The following PDE9A variants were observed in gnomAD, a reference collection of about 807,000 sequenced individuals.
PDE9A encodes the protein phosphodiesterase 9A, also known as high affinity cGMP-specific 3',5'-cyclic phosphodiesterase 9A.
Under a neutral mutation model 87.4 loss-of-function variants are expected in PDE9A, and 60 were observed. The observed-to-expected ratio is 0.69, with a 90% CI of 0.56 to 0.85. The LOEUF (loss-of-function observed/expected upper bound fraction) is 0.85, where lower values mean the gene tolerates loss of function less well. Among genes scored for constraint, PDE9A ranks in the 40% least tolerant of loss-of-function variants. The pLI, the probability that PDE9A is intolerant of heterozygous loss-of-function variation, is 0.00. For missense variants in PDE9A, 665 were observed against 779.0 expected (o/e 0.85, Z 1.74); for synonymous variants, 272 against 279.4 (o/e 0.97, Z 0.27).
At chr21:42,657,411 T>C (rs2057161527) in intron 1 of PDE9A, among the ~76,000 whole-genome samples, 2 of 152,220 alleles carry the variant, frequency 1.3e-5, no homozygotes, top group South Asian at 4.1e-4. Context: ...CCTAGGGTGC[T>C]GAGGTCCTTG....
chr21:42,727,199 T>C (rs2051223987), intron 4 of PDE9A, among the ~76,000 whole-genome samples: 1 of 152,168 alleles, frequency 6.6e-6, no homozygotes, highest in African/African-American at 2.4e-5. Context: ...ATGGTCAGTC[T>C]TGCCATTTGT....
chr21:42,753,037 C>T (rs1210546804), intron 9 of PDE9A, among the ~76,000 whole-genome samples: 1 of 152,144 alleles, frequency 6.6e-6, no homozygotes, highest in Non-Finnish European at 1.5e-5. Flanking sequence ...GATGGAGTCT[C>T]ACTCTGTCGC....
At chr21:42,716,749 T>TC (rs2049963051) in intron 4 of PDE9A, among the ~76,000 whole-genome samples, 1 of 122,424 alleles carries the variant, frequency 8.2e-6, no homozygotes, top group Admixed American at 7.8e-5. Flanking sequence ...ATAATTTCCT[T>TC]TTTTTTTTTT....
chr21:42,729,795 G>A (rs1050804802), intron 4 of PDE9A, among the ~76,000 whole-genome samples: 43 of 152,076 alleles, frequency 2.8e-4, no homozygotes, highest in African/African-American at 8.9e-4. Flanking sequence ...AAGTTTCCAC[G>A]TGTTTGGAGA....
intron 1 of PDE9A, among the ~76,000 whole-genome samples, chr21:42,683,269 T>A (rs528135672): frequency 6.6e-6 from 1 of 152,252 alleles, no homozygotes; most frequent in African/African-American, 2.4e-5. Context: ...CTGAATATCA[T>A]CTGAGCGAGG....
At chr21:42,746,823 G>A (rs749877631) in intron 8 of PDE9A, among the ~76,000 whole-genome samples, 15 of 152,314 alleles carry the variant, frequency 9.8e-5, no homozygotes, top group Non-Finnish European at 1.8e-4. Context: ...TAACGGAGGC[G>A]CATCCGCACT....
Position 42,772,526 on chromosome 21 carries a change from G to T in PDE9A, c.1768+6G>T, listed in dbSNP as rs2057115365. The T allele has an allele frequency of 6.3e-7, 1 of 1,579,834 alleles. No homozygotes were observed. Among genetic ancestry groups the T allele is most frequent in the Admixed American group, 1.7e-5 (1 of 57,372 alleles). Reference sequence around the variant, plus strand: ...AGATGTGAAAAACAGTGAAGGTAATGCTTGCTCTGCTGAAGTGGCATCTCA... The same window carrying T: ...AGATGTGAAAAACAGTGAAGGTAATTCTTGCTCTGCTGAAGTGGCATCTCA... On this transcript the variant is annotated splice_donor_region_variant and intron_variant, in intron 19 of 19. Coordinates refer to ENST00000291539, the MANE Select transcript of PDE9A (RefSeq NM_002606.3).
chr21:42,725,619 C>T (rs1012493462), intron 4 of PDE9A, among the ~76,000 whole-genome samples: 5 of 152,252 alleles, frequency 3.3e-5, no homozygotes, highest in African/African-American at 7.2e-5. Context: ...TTGGGATTGG[C>T]GCCTTCCACC....
chr21:42,673,675 G>A (rs547726582), intron 1 of PDE9A, among the ~76,000 whole-genome samples: 1 of 152,316 alleles, frequency 6.6e-6, no homozygotes, highest in South Asian at 2.1e-4. Flanking sequence ...TGGATTTGGG[G>A]GTTCGAGGTG....
chr21:42,718,676 C>T (rs181847773), intron 4 of PDE9A, among the ~76,000 whole-genome samples: 2 of 151,662 alleles, frequency 1.3e-5, no homozygotes, highest in East Asian at 1.9e-4. Context: ...GATTTACTGA[C>T]GCCGCTTTTG....
At chr21:42,663,189 GCACCACACC>G (rs968715375) in intron 1 of PDE9A, among the ~76,000 whole-genome samples, 48 of 135,472 alleles carry the variant, frequency 3.5e-4, no homozygotes, top group African/African-American at 1.4e-3. Flanking sequence ...ACATCCACAT[GCACCACACC>G]CACCACACAC....
Position 42,704,417 on chromosome 21 carries a change from C to T in PDE9A, c.262+5406C>T, listed in dbSNP as rs904450994. ...GAGACAAAGTCGGTGTCAGGTAGAC[C>T]CCCCCCACCCCACCAAACACACACA... On this transcript the variant is annotated intron_variant, in intron 4 of 19. Coordinates refer to ENST00000291539, the MANE Select transcript of PDE9A (RefSeq NM_002606.3). This position sits in a 1 kb window ranked among gnomAD's most constrained non-coding sequence, Gnocchi z 5.3. Among the ~76,000 whole-genome samples the T allele has an allele frequency of 1.2e-4, 17 of 140,990 alleles. No individual in the cohort carries two copies. The highest frequency in any genetic ancestry group is 4.7e-4 in the African/African-American group (17 of 36,442). The allele number at this position is 140,990 out of a possible 152,430, so 92.5% of individuals were successfully genotyped here.
Position 42,659,025 on chromosome 21 carries a change from G to A in PDE9A, c.69+5142G>A, listed in dbSNP as rs565512404. Among the ~76,000 whole-genome samples the A allele has an allele frequency of 1.3e-5, 2 of 152,222 alleles. No homozygotes were observed. Among genetic ancestry groups the A allele is most frequent in the East Asian group, 1.9e-4 (1 of 5,184 alleles). On this transcript the variant is annotated intron_variant, in intron 1 of 19. Transcript: ENST00000291539. This position sits in a 1 kb window ranked among gnomAD's most constrained non-coding sequence, Gnocchi z 4.1. ...GCTGTGAAAAGTAGTAAGAACCCTC[G>A]GTTTTTGGTTCCTTTTTCAACCAGC...
chr21:42,718,181 G>A (rs777414191), intron 4 of PDE9A, among the ~76,000 whole-genome samples: 3 of 151,788 alleles, frequency 2.0e-5, no homozygotes, highest in African/African-American at 2.4e-5. Context: ...GATTACAGGC[G>A]TGAGCCACTG....
chr21:42,760,916 A>G lies in PDE9A; in HGVS notation c.1085+9A>G, dbSNP rs146737699. 402 of 1,589,282 alleles carry G rather than the reference A, an allele frequency of 2.5e-4. 2 individuals are homozygous for G. In the East Asian group the frequency reaches 5.2e-3, roughly 21 times the overall value. Reference sequence around the variant, plus strand: ...CCCGGCTACAACAACACGTATGTACAGGATTTTCTCTTTTTTTCCTTTTAA... The same window carrying G: ...CCCGGCTACAACAACACGTATGTACGGGATTTTCTCTTTTTTTCCTTTTAA... On this transcript the variant is annotated intron_variant, in intron 13 of 19. Coordinates refer to ENST00000291539, the MANE Select transcript of PDE9A (RefSeq NM_002606.3). The surrounding 1 kb of genome is among the most constrained non-coding windows in gnomAD (Gnocchi z 5.2).
At chr21:42,690,489 A>C (rs2059758061) in intron 3 of PDE9A, among the ~76,000 whole-genome samples, 1 of 151,428 alleles carries the variant, frequency 6.6e-6, no homozygotes, top group Admixed American at 6.6e-5. Flanking sequence ...AGGCATAGAC[A>C]TGGTGAAGAG....
At chr21:42,768,358 C>T in intron 16 of PDE9A, 66 bp downstream of exon 16, 1 of 1,174,620 alleles carries the variant, frequency 8.5e-7, no homozygotes, top group South Asian at 1.2e-5. Flanking sequence ...TAAGGGTTTG[C>T]GTTAAACGAG....
intron 4 of PDE9A, among the ~76,000 whole-genome samples, chr21:42,719,960 C>G (rs2050328719): frequency 6.6e-6 from 1 of 152,182 alleles, no homozygotes; most frequent in African/African-American, 2.4e-5. Context: ...CTTCCTGGAA[C>G]TAGTCTATGG....
chr21:42,676,984 A>T (rs530295225), intron 1 of PDE9A, among the ~76,000 whole-genome samples: 6 of 152,328 alleles, frequency 3.9e-5, no homozygotes, highest in Admixed American at 3.3e-4. Context: ...CACGGGGCCC[A>T]GCGTCCGGCC....
Sources: gnomAD v4.1 joint callset for allele counts (sites outside exome capture counted in the v4.1 genomes callset) on GRCh38, gnomAD v4.1.1 for gene constraint, Gnocchi (gnomAD v3.1) non-coding constraint, MANE v1.5 for transcripts, NCBI Gene and HGNC (gene_info 2026-07-23, HGNC 2026-07-21) for gene names.